The following ASAP2 variants were observed in gnomAD, a reference collection of about 807,000 sequenced individuals.
ASAP2 encodes the protein ArfGAP with SH3 domain, ankyrin repeat and PH domain 2, also known as arf-GAP with SH3 domain, ANK repeat and PH domain-containing protein 2.
ASAP2 carries 45 observed loss-of-function variants against 131.4 expected under a neutral mutation model. That is an observed-to-expected ratio of 0.34 (90% confidence interval 0.27 to 0.44). The LOEUF is 0.44. ASAP2 is among the 20% of genes least tolerant of loss of function. The pLI is 1.00. For synonymous variants in ASAP2, 510 were observed against 503.0 expected, an observed-to-expected ratio of 1.01 and a Z score of -0.19; for missense variants, 1,011 against 1,297.0, an observed-to-expected ratio of 0.78 and a Z score of 3.39.
rs374255595 is a variant in ASAP2 at position 9,279,310 on chromosome 2, A to G, written c.127-7A>G. 3.2e-5 allele frequency: 51 copies of G among 1,613,770 alleles called. No individual in the cohort carries two copies. The highest frequency in any genetic ancestry group is 4.3e-5 in the Non-Finnish European group (51 of 1,179,712). ...ACGGTTTAATGACTGTATTCTCTAC[A>G]TTTTAGGCTTTGGACGTGGACCGGA... On this transcript the variant is annotated splice_polypyrimidine_tract_variant and splice_region_variant and intron_variant, in intron 1 of 27. Transcript: ENST00000281419.
intron 11 of ASAP2, 31 bp from the exon 12 acceptor site, chr2:9,350,777 A>G (rs777862794): frequency 1.9e-6 from 3 of 1,595,456 alleles, no homozygotes; most frequent in Non-Finnish European, 2.6e-6. Flanking sequence ...CCCAACCCCA[A>G]CCTTTTTTGT....
chr2:9,230,146 C>T (rs1663055034), intron 1 of ASAP2, among the ~76,000 whole-genome samples: 1 of 152,200 alleles, frequency 6.6e-6, no homozygotes, highest in African/African-American at 2.4e-5. Context: ...TTTCTAGGCA[C>T]TCACAGTTTC....
At chr2:9,210,282 G>A (rs529634314) in intron 1 of ASAP2, among the ~76,000 whole-genome samples, 2 of 152,358 alleles carry the variant, frequency 1.3e-5, no homozygotes, top group African/African-American at 4.8e-5. Context: ...GTGAACTTGA[G>A]TGAGATGCCT....
chr2:9,387,122 G>A (rs969963861), intron 21 of ASAP2, among the ~76,000 whole-genome samples: 1 of 150,362 alleles, frequency 6.7e-6, no homozygotes, highest in East Asian at 1.9e-4. Context: ...GCTGAGGCAG[G>A]AGAATGGCGT....
intron 2 of ASAP2, among the ~76,000 whole-genome samples, chr2:9,286,645 G>A (rs1251063006): frequency 6.6e-6 from 1 of 152,106 alleles, no homozygotes; most frequent in African/African-American, 2.4e-5. Context: ...TTTTGTGGAA[G>A]GAGATCCATG....
intron 15 of ASAP2, among the ~76,000 whole-genome samples, chr2:9,365,651 C>T (rs1673412451): frequency 6.6e-6 from 1 of 152,188 alleles, no homozygotes; most frequent in African/African-American, 2.4e-5. Context: ...ACAGACGACT[C>T]CCCCGTATGG....
At chr2:9,243,316 G>A (rs1350011946) in intron 1 of ASAP2, among the ~76,000 whole-genome samples, 3 of 152,154 alleles carry the variant, frequency 2.0e-5, no homozygotes, top group Admixed American at 6.5e-5. Context: ...CACTGTGTTA[G>A]CCAGGATGGT....
At chr2:9,289,527 G>A (rs1340856772) in intron 2 of ASAP2, among the ~76,000 whole-genome samples, 1 of 151,986 alleles carries the variant, frequency 6.6e-6, no homozygotes, top group Non-Finnish European at 1.5e-5. Flanking sequence ...AAGCCTAAAG[G>A]GACAGAAACC....
chr2:9,230,554 G>C (rs1176143241), intron 1 of ASAP2, among the ~76,000 whole-genome samples: 5 of 152,230 alleles, frequency 3.3e-5, no homozygotes, highest in Non-Finnish European at 5.9e-5. Context: ...CCTCCTGCAG[G>C]AGGGGTGTGG....
At chr2:9,333,702 A>G (rs922820786) in intron 7 of ASAP2, among the ~76,000 whole-genome samples, 3 of 152,192 alleles carry the variant, frequency 2.0e-5, no homozygotes, top group Non-Finnish European at 2.9e-5. Context: ...ATCAGGCCTC[A>G]TTACAGGTTA....
chr2:9,299,823 A>C (rs780730186), intron 3 of ASAP2, among the ~76,000 whole-genome samples: 7 of 151,726 alleles, frequency 4.6e-5, no homozygotes, highest in Non-Finnish European at 7.3e-5. Flanking sequence ...GATTATAGCC[A>C]GCCGGTGACT....
At chr2:9,236,942 G>A (rs2148053020) in intron 1 of ASAP2, among the ~76,000 whole-genome samples, 1 of 152,308 alleles carries the variant, frequency 6.6e-6, no homozygotes, top group African/African-American at 2.4e-5. Context: ...CGAGGCTGGT[G>A]TGGGTACCAG....
At chr2:9,236,872 T>A in intron 1 of ASAP2, among the ~76,000 whole-genome samples, 1 of 152,224 alleles carries the variant, frequency 6.6e-6, no homozygotes, top group Admixed American at 6.5e-5. Context: ...ACTTCAGGTT[T>A]CTTTTTTGAG....
chr2:9,309,256 A>T (rs1388959687), intron 3 of ASAP2, among the ~76,000 whole-genome samples: 1 of 152,238 alleles, frequency 6.6e-6, no homozygotes, highest in African/African-American at 2.4e-5. Context: ...GCTAGACGGC[A>T]GTGTAGCCAT....
chr2:9,270,855 C>G (rs1297703334), intron 1 of ASAP2, among the ~76,000 whole-genome samples: 8 of 132,934 alleles, frequency 6.0e-5, no homozygotes, highest in Middle Eastern at 4.5e-3. Flanking sequence ...TGCAGTGGCG[C>G]GATCTCGGCT....
intron 1 of ASAP2, among the ~76,000 whole-genome samples, chr2:9,277,262 C>T (rs940952630): frequency 3.9e-5 from 6 of 152,244 alleles, no homozygotes; most frequent in Non-Finnish European, 7.3e-5. Flanking sequence ...TGAGCACAAC[C>T]TCAGTCTGCC....
At chr2:9,253,622 C>G (rs1409386471) in intron 1 of ASAP2, among the ~76,000 whole-genome samples, 2 of 152,170 alleles carry the variant, frequency 1.3e-5, no homozygotes, top group African/African-American at 4.8e-5. Flanking sequence ...TCTGTCCTTA[C>G]AATTTTGCCT....
intron 6 of ASAP2, 33 bp downstream of exon 6, chr2:9,323,283 C>T (rs765602663): frequency 6.2e-7 from 1 of 1,612,584 alleles, no homozygotes; most frequent in South Asian, 1.1e-5. Context: ...TCCTACAGCC[C>T]AGGCTGTGCC....
At chr2:9,335,682 CT>C (rs1353902733) in intron 9 of ASAP2, among the ~76,000 whole-genome samples, 8 of 152,344 alleles carry the variant, frequency 5.3e-5, no homozygotes, top group African/African-American at 1.9e-4. Flanking sequence ...AGTTCTCTTA[CT>C]TCCCCTCTTT....
Sources: gnomAD v4.1 joint callset for allele counts (sites outside exome capture counted in the v4.1 genomes callset) on GRCh38, gnomAD v4.1.1 for gene constraint, MANE v1.5 for transcripts, NCBI Gene and HGNC (gene_info 2026-07-23, HGNC 2026-07-21) for gene names.